BMPR1A: variants seen among roughly 807,000 people sequenced by gnomAD.
BMPR1A encodes the protein bone morphogenetic protein receptor type 1A, also known as bone morphogenetic protein receptor type-1A.
A neutral mutation model predicts 66.0 loss-of-function variants in BMPR1A; 7 were observed. The ratio of observed to expected loss-of-function variants is 0.11; its 90% CI spans 0.06 to 0.20. BMPR1A has a LOEUF of 0.20. Ranked by LOEUF, BMPR1A falls within the 10% of genes least tolerant of loss-of-function variation. BMPR1A has a pLI of 1.00. For missense variants in BMPR1A, 408 were observed against 669.1 expected (o/e 0.61, Z 4.31); for synonymous variants, 200 against 229.7 (o/e 0.87, Z 1.17).
downstream of BMPR1A, chr10:86,931,812 CATT>C (rs1295885038): frequency 6.6e-6 from 1 of 152,032 alleles, no homozygotes; most frequent in Non-Finnish European, 1.5e-5. Context: ...AATTTTCTCC[CATT>C]ATTTCTTTTG....
At chr10:86,791,883 G>T (rs1387653075) in intron 1 of BMPR1A, among the ~76,000 whole-genome samples, 1 of 139,322 alleles carries the variant, frequency 7.2e-6, no homozygotes, top group African/African-American at 2.7e-5. Flanking sequence ...CACCATGCCT[G>T]GCTTTTTTTT....
chr10:86,764,385 A>C (rs963903443), intron 1 of BMPR1A, among the ~76,000 whole-genome samples: 3 of 152,258 alleles, frequency 2.0e-5, no homozygotes, highest in African/African-American at 4.8e-5. Context: ...TCTTAAATGT[A>C]TACCAAATCA....
At chr10:86,812,083 A>G (rs1038299802) in intron 1 of BMPR1A, among the ~76,000 whole-genome samples, 26 of 152,054 alleles carry the variant, frequency 1.7e-4, no homozygotes, top group Admixed American at 6.6e-5. Flanking sequence ...AACCCTAAAA[A>G]TAGAGCTTTT....
chr10:86,903,605 A>G (rs1042604458), intron 7 of BMPR1A, among the ~76,000 whole-genome samples: 1 of 151,046 alleles, frequency 6.6e-6, no homozygotes. Flanking sequence ...TATTATTTTT[A>G]TTTATTTATT....
intron 1 of BMPR1A, among the ~76,000 whole-genome samples, chr10:86,815,063 G>A (rs1001548596): frequency 3.3e-5 from 5 of 152,150 alleles, no homozygotes; most frequent in African/African-American, 4.8e-5. Flanking sequence ...GATTACAGGC[G>A]TGAGCTACCA....
intron 1 of BMPR1A, among the ~76,000 whole-genome samples, chr10:86,820,831 G>GTT (rs1231122450): frequency 6.6e-6 from 1 of 152,028 alleles, no homozygotes; most frequent in Admixed American, 6.6e-5. Flanking sequence ...TGGTTCCATG[G>GTT]TTTTTGTTAC....
chr10:86,819,328 T>A (rs1397323709), intron 1 of BMPR1A, among the ~76,000 whole-genome samples: 1 of 152,202 alleles, frequency 6.6e-6, no homozygotes, highest in Non-Finnish European at 1.5e-5. Flanking sequence ...TTCTTTTTTT[T>A]CTTTTTGAGT....
chr10:86,899,487 C>T (rs1843274422), intron 5 of BMPR1A, among the ~76,000 whole-genome samples: 1 of 152,238 alleles, frequency 6.6e-6, no homozygotes, highest in African/African-American at 2.4e-5. Flanking sequence ...ATCTCATCCA[C>T]ATCTCAGTAC....
chr10:86,783,381 A>G (rs937679064), intron 1 of BMPR1A, among the ~76,000 whole-genome samples: 10 of 152,214 alleles, frequency 6.6e-5, no homozygotes, highest in African/African-American at 2.2e-4. Flanking sequence ...CATTTTGCAA[A>G]AAATGACACT....
At chr10:86,895,304 G>A (rs1223120466) in intron 5 of BMPR1A, among the ~76,000 whole-genome samples, 5 of 152,132 alleles carry the variant, frequency 3.3e-5, no homozygotes, top group Non-Finnish European at 5.9e-5. Flanking sequence ...TTGGGAGGCC[G>A]AGGCGAGCAG....
chr10:86,863,866 TA>T (rs1485078934), intron 2 of BMPR1A, among the ~76,000 whole-genome samples: 1 of 152,192 alleles, frequency 6.6e-6, no homozygotes, highest in Admixed American at 6.5e-5. Context: ...AATAGTTACA[TA>T]AGTGGAAATG....
chr10:86,859,766 C>T (rs552445911), intron 2 of BMPR1A, among the ~76,000 whole-genome samples: 82 of 152,016 alleles, frequency 5.4e-4, no homozygotes, highest in African/African-American at 1.9e-3. Context: ...GCCAAGATTG[C>T]GCCACTGCAC....
At chr10:86,899,997 A>C in intron 6 of BMPR1A, 30 bp from the exon 7 acceptor site, 3 of 1,612,880 alleles carry the variant, frequency 1.9e-6, no homozygotes, top group Non-Finnish European at 2.5e-6. Flanking sequence ...TTTCATTTCA[A>C]TTGTTTACAT....
At chr10:86,912,455 A>G (rs2133547051) in intron 8 of BMPR1A, 71 bp downstream of exon 8, 2 of 1,552,816 alleles carry the variant, frequency 1.3e-6, no homozygotes, top group East Asian at 4.5e-5. Context: ...GGTGGACAGT[A>G]TAATTATTGC....
chr10:86,886,795 T>TTG (rs1414372007), intron 3 of BMPR1A, among the ~76,000 whole-genome samples: 3 of 151,964 alleles, frequency 2.0e-5, no homozygotes, highest in African/African-American at 4.8e-5. Context: ...GCCTTTTCCT[T>TTG]TGTTTACATG....
At chr10:86,919,689 TTG>T (rs1843633880) in intron 10 of BMPR1A, among the ~76,000 whole-genome samples, 1 of 139,610 alleles carries the variant, frequency 7.2e-6, no homozygotes, top group Non-Finnish European at 1.5e-5. Context: ...GTGTTTTTTT[TTG>T]TTTGTTTTTT....
At chr10:86,778,078 A>G (rs1841381365) in intron 1 of BMPR1A, among the ~76,000 whole-genome samples, 2 of 152,074 alleles carry the variant, frequency 1.3e-5, no homozygotes, top group Admixed American at 1.3e-4. Context: ...ATAAATGTAC[A>G]TATTTATGGG....
At chr10:86,898,690 G>T (rs1366961756) in intron 5 of BMPR1A, among the ~76,000 whole-genome samples, 4 of 152,104 alleles carry the variant, frequency 2.6e-5, no homozygotes, top group Admixed American at 2.6e-4. Context: ...GTTTTTCTTT[G>T]CACTTTTCTC....
chr10:86,899,701 A>G, intron 5 of BMPR1A, 93 bp from the exon 6 acceptor site: 2 of 1,307,456 alleles, frequency 1.5e-6, no homozygotes, highest in Non-Finnish European at 2.2e-6. Context: ...CCTTTCACTC[A>G]CTGAAATAGA....
Sources: allele counts gnomAD v4.1 joint callset (sites outside exome capture counted in the v4.1 genomes callset), GRCh38; gene constraint gnomAD v4.1.1; transcripts MANE v1.5; gene names NCBI Gene and HGNC (gene_info 2026-07-23, HGNC 2026-07-21).